The following RGL1 variants were observed in gnomAD, a reference collection of about 807,000 sequenced individuals.
RGL1 encodes the protein ral guanine nucleotide dissociation stimulator like 1, also known as ral guanine nucleotide dissociation stimulator-like 1.
A neutral mutation model predicts 95.2 loss-of-function variants in RGL1; 24 were observed. The observed-to-expected ratio is 0.25, with a 90% confidence interval of 0.18 to 0.35. The LOEUF (loss-of-function observed/expected upper bound fraction) is 0.35. Among genes scored for constraint, RGL1 ranks in the 10% least tolerant of loss-of-function variants. The pLI is 1.00. For synonymous variants in RGL1, 329 were observed against 344.9 expected, an observed-to-expected ratio of 0.95 and a Z score of 0.51; for missense variants, 715 against 936.3, an observed-to-expected ratio of 0.76 and a Z score of 3.08.
intron 1 of RGL1, among the ~76,000 whole-genome samples, chr1:183,660,483 G>T (rs1364122282): frequency 6.6e-6 from 1 of 151,174 alleles, no homozygotes; most frequent in Non-Finnish European, 1.5e-5. Context: ...AATGGTAAAG[G>T]GATCAATGCA....
In RGL1 at chr1:183,805,176, G is replaced by A. The variant is rs536873188; in HGVS notation, c.-122G>A. 567 of 1,358,988 alleles carry A rather than the reference G, an allele frequency of 4.2e-4. 2 individuals carry two copies. In the Middle Eastern group the frequency reaches 7.2e-3, roughly 17 times the overall value. The allele number at this position is 1,358,988 out of a possible 1,614,324, so 84.2% of individuals were successfully genotyped here. A position where few individuals can be genotyped will look rare whatever the true frequency, so the allele number is the denominator to read the frequency against. Reference sequence around the variant, plus strand: ...GGGGCAGCGCGGCGCGTGTCTGTGCGCTGCGGTCGCTCGGGACCGGGACCG... The same window carrying A: ...GGGGCAGCGCGGCGCGTGTCTGTGCACTGCGGTCGCTCGGGACCGGGACCG... On this transcript the variant is annotated 5_prime_UTR_variant, in exon 1 of 18. Transcript: ENST00000360851.
intron 1 of RGL1, among the ~76,000 whole-genome samples, chr1:183,652,332 C>T (rs998559730): frequency 5.3e-5 from 8 of 152,206 alleles, no homozygotes; most frequent in South Asian, 2.1e-4. Flanking sequence ...ATGGAGAGGA[C>T]TGTGGCTTTA....
intron 1 of RGL1, among the ~76,000 whole-genome samples, chr1:183,737,146 C>A (rs940019572): frequency 1.3e-5 from 2 of 151,888 alleles, no homozygotes; most frequent in African/African-American, 4.8e-5. Flanking sequence ...AGCCATGTTT[C>A]AAAAAAAGGG....
At chr1:183,886,260 A>G (rs565437857) in intron 7 of RGL1, among the ~76,000 whole-genome samples, 3 of 152,342 alleles carry the variant, frequency 2.0e-5, no homozygotes, top group African/African-American at 7.2e-5. Flanking sequence ...AGCAAGAAAC[A>G]AAGAGTGTAA....
At chr1:183,688,654 G>A (rs1199710995) in intron 1 of RGL1, among the ~76,000 whole-genome samples, 1 of 152,084 alleles carries the variant, frequency 6.6e-6, no homozygotes, top group African/African-American at 2.4e-5. Context: ...TAGTTCAGCA[G>A]TATTATTAAT....
At chr1:183,879,057 T>C (rs538154436) in intron 4 of RGL1, among the ~76,000 whole-genome samples, 2 of 152,374 alleles carry the variant, frequency 1.3e-5, no homozygotes, top group African/African-American at 4.8e-5. Context: ...AGTGAAATTA[T>C]TGTTTATCAT....
chr1:183,837,816 C>T (rs1663773307), intron 2 of RGL1, among the ~76,000 whole-genome samples: 1 of 152,166 alleles, frequency 6.6e-6, no homozygotes, highest in South Asian at 2.1e-4. Flanking sequence ...AACTGTTTCA[C>T]CTCAGATCAT....
At position 183,916,500 on chromosome 1, in the gene RGL1, C is replaced by A. The variant is rs747575641; in HGVS notation, c.1803C>A (p.Ser601=). Residue 601 remains serine (S), a synonymous_variant, in exon 16 of 18, where the codon TCC becomes TCA. Transcript: ENST00000360851. ...CTATCCATTCCATGGACACAAATTC[C>A]TCAGGGATGTCTTCCTTAATCAACC... The part of the protein sequence containing the change: ...CSSIHSMDTN[S]SGMSSLINPL... The A allele has an allele frequency of 6.2e-7, 1 of 1,613,950 alleles. No individual in the cohort carries two copies. Among genetic ancestry groups the A allele is most frequent in the South Asian group, 1.1e-5 (1 of 91,064 alleles).
rs188925649 is a variant in RGL1 at position 183,786,164 on chromosome 1, G to A, written c.133-20211G>A. ...CACCTGTAATCCCAGCACTTTGAGA[G>A]GCCAAGGCAGGAGGATTACTTGAGC... On this transcript the variant is annotated intron_variant, in intron 2 of 18. Coordinates refer to the RGL1 transcript ENST00000304685. 1.8e-3 allele frequency among the ~76,000 whole-genome samples: 267 copies of A among 152,002 alleles called. 2 individuals are homozygous for A. Among genetic ancestry groups the A allele is most frequent in the Admixed American group, 5.2e-3 (79 of 15,264 alleles).
intron 1 of RGL1, among the ~76,000 whole-genome samples, chr1:183,722,923 A>G (rs1558172555): frequency 1.3e-5 from 2 of 152,344 alleles, no homozygotes; most frequent in Admixed American, 6.5e-5. Context: ...AACTAATTTC[A>G]TCATTTAAAA....
chr1:183,693,144 C>T (rs1328932125), intron 1 of RGL1, among the ~76,000 whole-genome samples: 3 of 152,002 alleles, frequency 2.0e-5, no homozygotes, highest in African/African-American at 4.8e-5. Flanking sequence ...TTAGTAGAGA[C>T]GGGATTTCAC....
intron 2 of RGL1, among the ~76,000 whole-genome samples, chr1:183,812,844 C>T (rs745689428): frequency 1.3e-5 from 2 of 152,122 alleles, no homozygotes; most frequent in African/African-American, 2.4e-5. Flanking sequence ...CCCTGTGAGG[C>T]TCAGCCTGGG....
At chr1:183,848,834 A>G (rs1368344290) in intron 3 of RGL1, among the ~76,000 whole-genome samples, 2 of 152,214 alleles carry the variant, frequency 1.3e-5, no homozygotes, top group African/African-American at 4.8e-5. Context: ...AATTATAAAA[A>G]TAAAAAGTAA....
intron 3 of RGL1, among the ~76,000 whole-genome samples, chr1:183,848,514 C>T (rs1158818793): frequency 6.6e-6 from 1 of 152,132 alleles, no homozygotes; most frequent in Non-Finnish European, 1.5e-5. Context: ...TCTGGGGTTT[C>T]CTGCATAAGG....
At chr1:183,774,387 A>G (rs1039360449) in intron 2 of RGL1, among the ~76,000 whole-genome samples, 5 of 152,194 alleles carry the variant, frequency 3.3e-5, no homozygotes, top group African/African-American at 1.2e-4. Context: ...ATTTTTAAAC[A>G]TCTAGTCTCG....
chr1:183,880,547 G>T (rs1374881486), intron 4 of RGL1, 69 bp from the exon 5 acceptor site: 1 of 1,484,176 alleles, frequency 6.7e-7, no homozygotes, highest in Non-Finnish European at 9.3e-7. Flanking sequence ...GGTCCACCCT[G>T]GTGTCCAGGG....
chr1:183,805,861 A>G (rs1475238824), intron 1 of RGL1, among the ~76,000 whole-genome samples: 4 of 152,060 alleles, frequency 2.6e-5, no homozygotes, highest in Admixed American at 6.5e-5. Context: ...TTGGCGTTTT[A>G]AACACTTGTT....
At chr1:183,759,492 G>A (rs928744994) in intron 2 of RGL1, among the ~76,000 whole-genome samples, 1 of 152,184 alleles carries the variant, frequency 6.6e-6, no homozygotes, top group Non-Finnish European at 1.5e-5. Flanking sequence ...TCTGACTTTT[G>A]TTATCTTTAA....
intron 1 of RGL1, chr1:183,648,580 ATG>A: frequency 6.2e-7 from 1 of 1,614,224 alleles, no homozygotes; most frequent in Non-Finnish European, 8.5e-7. Flanking sequence ...AGTTCATAAA[ATG>A]TGAGGTGTTT....
Sources: gnomAD v4.1 joint callset for allele counts (sites outside exome capture counted in the v4.1 genomes callset) on GRCh38, gnomAD v4.1.1 for gene constraint, MANE v1.5 for transcripts, NCBI Gene and HGNC (gene_info 2026-07-23, HGNC 2026-07-21) for gene names.